The following ARL15 variants were observed in gnomAD, a reference collection of about 807,000 sequenced individuals.
ARL15 encodes ADP-ribosylation factor-like protein 15.
In ARL15, 19 loss-of-function variants were observed where a neutral mutation model predicts 25.2. The observed-to-expected ratio is 0.75, with a 90% CI of 0.53 to 1.10. The LOEUF (loss-of-function observed/expected upper bound fraction) is 1.10, where lower values mean the gene tolerates loss of function less well. ARL15 is among the 50% of genes least tolerant of loss of function. ARL15 has a pLI of 0.00. For missense variants in ARL15, 220 were observed against 246.0 expected, an observed-to-expected ratio of 0.89 and a Z score of 0.71; for synonymous variants, 94 against 86.8, an observed-to-expected ratio of 1.08 and a Z score of -0.46.
In ARL15 at chr5:54,171,854, T is replaced by A; in HGVS notation, c.123A>T (p.Thr41=). 1 of 1,613,640 alleles carries A rather than the reference T, an allele frequency of 6.2e-7. No individual in the cohort carries two copies. Among genetic ancestry groups the A allele is most frequent in the Non-Finnish European group, 8.5e-7 (1 of 1,179,718 alleles). The change falls in exon 2 of 5, where the codon ACA becomes ACT. Residue 41 remains threonine (T), a synonymous_variant. Transcript: ENST00000504924. Reference sequence around the variant, plus strand: ...ACAACAGACTGGTTTTGCCAGAACCTGTGAGGCCTATGCAAACCAGGTCAT... The same window carrying A: ...ACAACAGACTGGTTTTGCCAGAACCAGTGAGGCCTATGCAAACCAGGTCAT... ...PEYDLVCIGL[T]GSGKTSLLSK...
intron 1 of ARL15, chr5:54,285,332 A>AT: frequency 1.1e-6 from 1 of 881,566 alleles, no homozygotes; most frequent in South Asian, 5.2e-5. Context: ...AATTAATGTG[A>AT]TTACTTACAG....
intron 2 of ARL15, among the ~76,000 whole-genome samples, chr5:54,159,786 T>C (rs1002882049): frequency 1.3e-5 from 2 of 152,258 alleles, no homozygotes; most frequent in African/African-American, 4.8e-5. Context: ...GAAATAATTG[T>C]TTGCATAGCC....
intron 1 of ARL15, among the ~76,000 whole-genome samples, chr5:54,200,152 G>T (rs1755673508): frequency 7.6e-6 from 1 of 132,262 alleles, no homozygotes; most frequent in Non-Finnish European, 1.6e-5. Flanking sequence ...TGTGGGGTGG[G>T]GGGAGGGGGC....
chr5:54,070,753 G>A (rs529654955), intron 4 of ARL15, among the ~76,000 whole-genome samples: 2 of 151,644 alleles, frequency 1.3e-5, no homozygotes, highest in African/African-American at 4.8e-5. Flanking sequence ...GCTGAGGTAC[G>A]AGAATCACAT....
chr5:53,990,929 A>G (rs1748469105), intron 4 of ARL15, among the ~76,000 whole-genome samples: 1 of 152,142 alleles, frequency 6.6e-6, no homozygotes, highest in Admixed American at 6.6e-5. Flanking sequence ...TTTGTGGCTT[A>G]TTCCGAATAT....
intron 1 of ARL15, among the ~76,000 whole-genome samples, chr5:54,283,296 A>G (rs1016903591): frequency 6.6e-6 from 1 of 152,226 alleles, no homozygotes; most frequent in Non-Finnish European, 1.5e-5. Context: ...ATTCTGTATG[A>G]TTGAAGGAAT....
chr5:54,144,458 A>G (rs1474889573), intron 3 of ARL15, among the ~76,000 whole-genome samples: 1 of 152,208 alleles, frequency 6.6e-6, no homozygotes, highest in Non-Finnish European at 1.5e-5. Flanking sequence ...TTTAAATTTT[A>G]AAGTCAAACT....
At chr5:54,203,988 A>G (rs1049093987) in intron 1 of ARL15, among the ~76,000 whole-genome samples, 3 of 152,058 alleles carry the variant, frequency 2.0e-5, no homozygotes, top group Non-Finnish European at 4.4e-5. Flanking sequence ...ACTAAGTCCC[A>G]CCTTTGCCCA....
At chr5:54,214,456 A>G (rs1486727157) in intron 1 of ARL15, among the ~76,000 whole-genome samples, 1 of 151,918 alleles carries the variant, frequency 6.6e-6, no homozygotes, top group Non-Finnish European at 1.5e-5. Flanking sequence ...TTCCCTACAT[A>G]TTGTCCTCTG....
intron 3 of ARL15, among the ~76,000 whole-genome samples, chr5:54,116,697 A>G (rs538219852): frequency 6.6e-6 from 1 of 152,312 alleles, no homozygotes; most frequent in African/African-American, 2.4e-5. Context: ...TTTTACGTAT[A>G]TTAAATCACT....
intron 4 of ARL15, among the ~76,000 whole-genome samples, chr5:54,042,049 C>T (rs2111949491): frequency 6.6e-6 from 1 of 152,050 alleles, no homozygotes; most frequent in South Asian, 2.1e-4. Flanking sequence ...CGGCTCACCG[C>T]AACCTCTGCC....
chr5:54,298,758 A>G (rs1332252766), intron 1 of ARL15, among the ~76,000 whole-genome samples: 1 of 151,940 alleles, frequency 6.6e-6, no homozygotes, highest in African/African-American at 2.4e-5. Context: ...TCTGGTCAAC[A>G]TTTAACAAAA....
At chr5:54,301,302 T>C (rs938628018) in intron 1 of ARL15, among the ~76,000 whole-genome samples, 1 of 152,216 alleles carries the variant, frequency 6.6e-6, no homozygotes, top group Non-Finnish European at 1.5e-5. Flanking sequence ...AGCATTATGT[T>C]ACAATTTTGG....
At chr5:54,158,741 C>A (rs1754314799) in intron 2 of ARL15, among the ~76,000 whole-genome samples, 1 of 152,110 alleles carries the variant, frequency 6.6e-6, no homozygotes, top group Non-Finnish European at 1.5e-5. Flanking sequence ...GGCGTGGTGG[C>A]AGATGCCTGT....
At chr5:54,282,885 C>T (rs1343187548) in intron 1 of ARL15, among the ~76,000 whole-genome samples, 1 of 152,204 alleles carries the variant, frequency 6.6e-6, no homozygotes, top group Non-Finnish European at 1.5e-5. Context: ...CAACTTCTAA[C>T]TCCCAAATCA....
chr5:54,129,333 C>G (rs1410534550), intron 3 of ARL15, among the ~76,000 whole-genome samples: 1 of 151,874 alleles, frequency 6.6e-6, no homozygotes, highest in Non-Finnish European at 1.5e-5. Flanking sequence ...ACACAGAAAC[C>G]TGGCATAGAA....
chr5:54,164,130 T>C (rs1754500319), intron 2 of ARL15, among the ~76,000 whole-genome samples: 1 of 152,096 alleles, frequency 6.6e-6, no homozygotes, highest in South Asian at 2.1e-4. Context: ...CCTTCTTTGA[T>C]TCGTGGGTCA....
At chr5:54,259,057 C>A (rs1313438296) in intron 1 of ARL15, among the ~76,000 whole-genome samples, 1 of 152,204 alleles carries the variant, frequency 6.6e-6, no homozygotes, top group African/African-American at 2.4e-5. Flanking sequence ...CCTCTTGGCT[C>A]TCAATTTAGG....
chr5:54,255,724 A>G (rs969348272), intron 1 of ARL15, among the ~76,000 whole-genome samples: 2 of 152,232 alleles, frequency 1.3e-5, no homozygotes, highest in Non-Finnish European at 2.9e-5. Context: ...ACTTTGTTTC[A>G]TGAATGAAAT....
Sources: gnomAD v4.1 joint callset for allele counts (sites outside exome capture counted in the v4.1 genomes callset) on GRCh38, gnomAD v4.1.1 for gene constraint, MANE v1.5 for transcripts, NCBI Gene and HGNC (gene_info 2026-07-23, HGNC 2026-07-21) for gene names.